Variants in FAT3 observed in about 807,000 individuals in gnomAD.
FAT3 encodes FAT atypical cadherin 3.
In FAT3, 95 loss-of-function variants were observed where a neutral mutation model predicts 310.2. The ratio of observed to expected loss-of-function variants is 0.31; its 90% CI spans 0.26 to 0.36. The LOEUF is 0.36. Ranked by LOEUF, FAT3 falls within the 10% of genes least tolerant of loss-of-function variation. The pLI, the probability that FAT3 is intolerant of heterozygous loss-of-function variation, is 1.00. For synonymous variants in FAT3, 2,314 were observed against 2,192.9 expected (o/e 1.06, Z -1.54); for missense variants, 5,408 against 5,715.6 (o/e 0.95, Z 1.74).
intron 2 of FAT3, among the ~76,000 whole-genome samples, chr11:92,363,657 G>A (rs12286001): frequency 0.077 from 11,747 of 152,028 alleles, 652 homozygotes; most frequent in African/African-American, 0.15. Flanking sequence ...TTTTACTCTC[G>A]CCCATCTAAA....
chr11:92,537,587 G>A (rs1188272559), intron 3 of FAT3, among the ~76,000 whole-genome samples: 1 of 152,090 alleles, frequency 6.6e-6, no homozygotes, highest in Non-Finnish European at 1.5e-5. Context: ...ATTTCTGGGT[G>A]TGGTGGAATT....
At chr11:92,751,438 C>G (rs1397061497) in intron 4 of FAT3, among the ~76,000 whole-genome samples, 1 of 152,162 alleles carries the variant, frequency 6.6e-6, no homozygotes, top group African/African-American at 2.4e-5. Flanking sequence ...TCTCCATGAT[C>G]AGGGAGAATA....
At chr11:92,583,170 GTGGA>G (rs1213620136) in intron 3 of FAT3, among the ~76,000 whole-genome samples, 1 of 151,724 alleles carries the variant, frequency 6.6e-6, no homozygotes, top group Non-Finnish European at 1.5e-5. Context: ...TTTGCATTTA[GTGGA>G]TCTAATTAGC....
chr11:92,229,507 G>GTTTTTTTTTTTTTTTTTTTTTTTTT (rs1565339350), intron 1 of FAT3, among the ~76,000 whole-genome samples: 1 of 58,160 alleles, frequency 1.7e-5, no homozygotes, highest in Non-Finnish European at 3.1e-5. Flanking sequence ...TTTTTTTTTT[G>GTTTTTTTTTTTTTTTTTTTTTTTTT]TTTTTTGTTT....
At chr11:92,363,960 G>A (rs1395494536) in intron 2 of FAT3, among the ~76,000 whole-genome samples, 1 of 152,116 alleles carries the variant, frequency 6.6e-6, no homozygotes, top group African/African-American at 2.4e-5. Flanking sequence ...ACTCTTTTCA[G>A]CAGGTGTCTT....
chr11:92,842,012 C>T (rs143043396), intron 18 of FAT3, among the ~76,000 whole-genome samples: 26 of 152,276 alleles, frequency 1.7e-4, no homozygotes, highest in African/African-American at 6.3e-4. Flanking sequence ...CAAATCCTGC[C>T]CTCAGCCTGT....
intron 25 of FAT3, among the ~76,000 whole-genome samples, chr11:92,888,662 T>C (rs1949848302): frequency 6.6e-6 from 1 of 152,192 alleles, no homozygotes; most frequent in Non-Finnish European, 1.5e-5. Flanking sequence ...CACACTTTAC[T>C]GGTGGGAGCT....
chr11:92,304,532 T>A (rs1210152275), intron 1 of FAT3, among the ~76,000 whole-genome samples: 1 of 152,122 alleles, frequency 6.6e-6, no homozygotes, highest in Non-Finnish European at 1.5e-5. Flanking sequence ...GGCATTCATG[T>A]GATTTGCATG....
At chr11:92,866,233 T>C (rs550993065) in intron 21 of FAT3, among the ~76,000 whole-genome samples, 2 of 152,318 alleles carry the variant, frequency 1.3e-5, no homozygotes, top group Admixed American at 1.3e-4. Context: ...ATTTGATTAA[T>C]GGCCACCTAC....
rs180899064 is a variant in FAT3 at position 92,541,156 on chromosome 11, G to A, written c.3607+16208G>A. 3.7e-4 allele frequency among the ~76,000 whole-genome samples: 57 copies of A among 152,176 alleles called. No homozygotes were observed. The East Asian group carries it at 0.01, about 27-fold the overall frequency. On this transcript the variant is annotated intron_variant, in intron 3 of 27. Transcript: ENST00000525166. ...TTTATTGAACACCTACTGTGTGCTA[G>A]GCACTGTGGTGTGTACCAGGGTGCA...
intron 1 of FAT3, among the ~76,000 whole-genome samples, chr11:92,233,804 A>G (rs1055786235): frequency 2.6e-5 from 4 of 152,250 alleles, no homozygotes; most frequent in Non-Finnish European, 2.9e-5. Context: ...TACGATAATT[A>G]GATAATCTTC....
chr11:92,633,759 C>G (rs1430012957), intron 3 of FAT3, among the ~76,000 whole-genome samples: 1 of 152,062 alleles, frequency 6.6e-6, no homozygotes, highest in Non-Finnish European at 1.5e-5. Context: ...ATTGTCAACC[C>G]CCTTTACAAT....
At chr11:92,877,969 T>C (rs1211210078) in intron 22 of FAT3, among the ~76,000 whole-genome samples, 1 of 152,236 alleles carries the variant, frequency 6.6e-6, no homozygotes, top group Non-Finnish European at 1.5e-5. Context: ...CTACTGAGTA[T>C]ATATTGCTTT....
At chr11:92,359,387 C>A (rs1948819014) in intron 2 of FAT3, among the ~76,000 whole-genome samples, 1 of 152,224 alleles carries the variant, frequency 6.6e-6, no homozygotes, top group Middle Eastern at 3.4e-3. Context: ...AAATCTATTT[C>A]TATGCTTCAG....
intron 2 of FAT3, among the ~76,000 whole-genome samples, chr11:92,474,995 G>A (rs182794448): frequency 6.6e-6 from 1 of 152,294 alleles, no homozygotes; most frequent in East Asian, 1.9e-4. Context: ...TGGGCACATT[G>A]CCCTTCCCAC....
At position 92,459,443 on chromosome 11, in the gene FAT3, A is replaced by G. The variant is rs537214545; in HGVS notation, c.3293-65191A>G. Among the ~76,000 whole-genome samples the G allele has an allele frequency of 2.6e-5, 4 of 152,158 alleles. 1 individual carries two copies. Among genetic ancestry groups the G allele is most frequent in the African/African-American group, 9.6e-5 (4 of 41,512 alleles). ...AGCTTTGTAGCTTGGGTAAATCTCA[A>G]CGTATCTCTGAGCCTAACAGTCCAC... On this transcript the variant is annotated intron_variant, in intron 2 of 27. Transcript: ENST00000525166.
At chr11:92,368,691 A>G (rs1350013765) in intron 2 of FAT3, among the ~76,000 whole-genome samples, 1 of 152,010 alleles carries the variant, frequency 6.6e-6, no homozygotes, top group African/African-American at 2.4e-5. Context: ...CACCCACCTC[A>G]GGTTATATTC....
intron 3 of FAT3, among the ~76,000 whole-genome samples, chr11:92,564,198 C>G (rs949991793): frequency 6.6e-6 from 1 of 152,016 alleles, no homozygotes; most frequent in Non-Finnish European, 1.5e-5. Context: ...GAAGATCTAT[C>G]AAACAAATGG....
chr11:92,269,009 T>C (rs1946044106), intron 1 of FAT3, among the ~76,000 whole-genome samples: 1 of 152,170 alleles, frequency 6.6e-6, no homozygotes, highest in Non-Finnish European at 1.5e-5. Flanking sequence ...CATGATGAGC[T>C]GGAATGGAAT....
Sources: allele counts gnomAD v4.1 joint callset (sites outside exome capture counted in the v4.1 genomes callset), GRCh38; gene constraint gnomAD v4.1.1; transcripts MANE v1.5; gene names NCBI Gene and HGNC (gene_info 2026-07-23, HGNC 2026-07-21).